The following SLC7A10 variants were observed in gnomAD, a reference collection of about 807,000 sequenced individuals.
The protein encoded by SLC7A10 is asc-type amino acid transporter 1.
Under a neutral mutation model 52.7 loss-of-function variants are expected in SLC7A10, and 30 were observed. The observed-to-expected ratio is 0.57, with a 90% CI of 0.43 to 0.77. SLC7A10 has a LOEUF of 0.77. SLC7A10 is among the 30% of genes least tolerant of loss of function. The probability of loss-of-function intolerance (pLI) is 0.00; values close to 1 mark genes in which losing one functional copy is unlikely to be tolerated. For missense variants in SLC7A10, 581 were observed against 698.5 expected (o/e 0.83, Z 1.90); for synonymous variants, 318 against 314.9 (o/e 1.01, Z -0.10).
chr19:33,216,559 C>A (rs936341314), intron 1 of SLC7A10, among the ~76,000 whole-genome samples: 4 of 152,212 alleles, frequency 2.6e-5, no homozygotes, highest in Non-Finnish European at 5.9e-5. Context: ...CCTCCTTGAC[C>A]ACATCAGGTT....
In SLC7A10 at chr19:33,223,943, T is replaced by TCACCACCACCACCGC. The variant is rs1555734652; in HGVS notation, c.151+1609_151+1610insGCGGTGGTGGTGGTG. ...ACTCCCACCACCACCACCTCTACCA[T>TCACCACCACCACCGC]CACCACCACCACCACCACCACCACC... is the stretch of plus-strand genomic sequence containing the variant. On this transcript the variant is annotated intron_variant, in intron 1 of 10. Transcript: ENST00000253188. Among the ~76,000 whole-genome samples the TCACCACCACCACCGC allele has an allele frequency of 2.0e-5, 3 of 147,224 alleles. No individual in the cohort carries two copies. The South Asian group carries it at 6.5e-4, about 32-fold the overall frequency.
chr19:33,213,288 T>G (rs902197407), intron 2 of SLC7A10, among the ~76,000 whole-genome samples: 1 of 143,240 alleles, frequency 7.0e-6, no homozygotes, highest in Non-Finnish European at 1.5e-5. Context: ...TTTCTTTTCT[T>G]TTTTCTTTTT....
chr19:33,213,364 C>G (rs1161663294), intron 2 of SLC7A10, among the ~76,000 whole-genome samples: 1 of 151,872 alleles, frequency 6.6e-6, no homozygotes, highest in Non-Finnish European at 1.5e-5. Context: ...TCTCGGCTCA[C>G]TGCAACCTCC....
chr19:33,225,589 CCTT>C lies in SLC7A10; in HGVS notation c.112_114del (p.Lys38del). 1.3e-6 allele frequency: 2 copies of C among 1,596,280 alleles called. No homozygotes were observed. The highest frequency in any genetic ancestry group is 1.7e-6 in the Non-Finnish European group (2 of 1,179,268). ...GTGCAGGCGCTCAGCAGCCCGATCT[CCTT>C]CTTGAGCGCCACCCGCTCCGAGGCG... On this transcript the variant is annotated inframe_deletion, in exon 1 of 11. Coordinates refer to ENST00000253188, the MANE Select transcript of SLC7A10 (RefSeq NM_019849.3).
chr19:33,215,618 TTCTCTCCATCCACCCCC>T, intron 2 of SLC7A10, 134 bp downstream of exon 2: 1 of 212,664 alleles, frequency 4.7e-6, no homozygotes, highest in Non-Finnish European at 7.1e-6. Context: ...CCCCCACACC[TTCTCTCCATCCACCCCC>T]CACACCTTCT....
chr19:33,222,861 A>G (rs539048932), intron 1 of SLC7A10, among the ~76,000 whole-genome samples: 3 of 152,246 alleles, frequency 2.0e-5, no homozygotes, highest in African/African-American at 7.2e-5. Flanking sequence ...CCACCCTTCC[A>G]GGTCTTCCCA....
In SLC7A10 at chr19:33,225,622, G is replaced by C. The variant is rs1974907580; in HGVS notation, c.82C>G (p.Pro28Ala). The change falls in exon 1 of 11, where the codon CCC becomes GCC. Residue 28 changes from proline (P) to alanine (A), a missense_variant. By Grantham distance (27) the Pro-to-Ala change is conservative (BLOSUM62 -1). Coordinates refer to ENST00000253188, the MANE Select transcript of SLC7A10 (RefSeq NM_019849.3). ...PSPSPVPGTV[P>A]GASERVALKK... Reference sequence around the variant, plus strand: ...AGCGCCACCCGCTCCGAGGCGCCGGGGACGGTCCCTGGGACTGGGGAGGGC... The same window carrying C: ...AGCGCCACCCGCTCCGAGGCGCCGGCGACGGTCCCTGGGACTGGGGAGGGC... 1.3e-6 allele frequency: 2 copies of C among 1,592,310 alleles called. No individual in the cohort carries two copies. The highest frequency in any genetic ancestry group is 1.7e-6 in the Non-Finnish European group (2 of 1,177,914).
At chr19:33,216,774 T>A (rs1003462988) in intron 1 of SLC7A10, among the ~76,000 whole-genome samples, 54 of 152,180 alleles carry the variant, frequency 3.5e-4, no homozygotes, top group Admixed American at 1.8e-3. Context: ...GAGATGGGGT[T>A]TCACCCTGTG....
intron 1 of SLC7A10, among the ~76,000 whole-genome samples, chr19:33,216,816 G>A (rs747969309): frequency 1.1e-4 from 16 of 152,010 alleles, no homozygotes; most frequent in Non-Finnish European, 2.2e-4. Context: ...CTGACTGCAA[G>A]TGATCCACCC....
Position 33,208,778 on chromosome 19 carries a change from G to A in SLC7A10, c.*113C>T, listed in dbSNP as rs868733609. 7.7e-6 allele frequency: 11 copies of A among 1,426,806 alleles called. No individual in the cohort carries two copies. The Middle Eastern group carries it at 1.2e-3, about 158-fold the overall frequency. The allele number at this position is 1,426,806 out of a possible 1,614,324, so 88.4% of individuals were successfully genotyped here. A position where few individuals can be genotyped will look rare whatever the true frequency, so the allele number is the denominator to read the frequency against. On this transcript the variant is annotated 3_prime_UTR_variant, in exon 11 of 11. Coordinates refer to ENST00000253188, the MANE Select transcript of SLC7A10 (RefSeq NM_019849.3). This position sits in a 1 kb window ranked among gnomAD's most constrained non-coding sequence, Gnocchi z 4.7. ...TTCCTTAAACAGGCTTCTGAGAGTCGTATCTTTTTTCTTTTTTTTCCAGAA... is the reference window on the plus strand; with the variant it reads ...TTCCTTAAACAGGCTTCTGAGAGTCATATCTTTTTTCTTTTTTTTCCAGAA...
At chr19:33,223,802 G>C (rs1049502200) in intron 1 of SLC7A10, among the ~76,000 whole-genome samples, 3 of 152,122 alleles carry the variant, frequency 2.0e-5, no homozygotes, top group Non-Finnish European at 4.4e-5. Flanking sequence ...TAGTGGACCT[G>C]GCACAGCAGG....
At chr19:33,211,361 G>A (rs1489360074) in intron 6 of SLC7A10, 33 bp from the exon 7 acceptor site, 2 of 1,613,762 alleles carry the variant, frequency 1.2e-6, no homozygotes, top group Non-Finnish European at 1.7e-6. Flanking sequence ...CCATGTGTAA[G>A]GCCGGGGCAG....
intron 1 of SLC7A10, among the ~76,000 whole-genome samples, chr19:33,222,300 G>A (rs1271344339): frequency 6.6e-6 from 1 of 152,046 alleles, no homozygotes; most frequent in Non-Finnish European, 1.5e-5. Flanking sequence ...TTGGAAGGCT[G>A]AGGTGGGAGG....
Position 33,210,695 on chromosome 19 carries a change from C to T in SLC7A10, c.1114-79G>A. On this transcript the variant is annotated intron_variant, in intron 8 of 10. Transcript: ENST00000253188. This position sits in a 1 kb window ranked among gnomAD's most constrained non-coding sequence, Gnocchi z 5.6. ...CTGCAGGATGAGCCCTGGCCCCACC[C>T]CCAACCCCCACCCTGGAATGGCTCA... is the stretch of plus-strand genomic sequence containing the variant. 1.5e-5 allele frequency: 24 copies of T among 1,608,050 alleles called. No individual in the cohort carries two copies. Among genetic ancestry groups the T allele is most frequent in the Non-Finnish European group, 2.0e-5 (24 of 1,178,060 alleles).
chr19:33,215,627 T>TCCCGCCC lies in SLC7A10; in HGVS notation c.356+141_356+142insGGGCGGG. The TCCCGCCC allele has an allele frequency of 2.1e-5, 7 of 327,372 alleles. 1 individual carries two copies. Among genetic ancestry groups the TCCCGCCC allele is most frequent in the Middle Eastern group, 1.2e-3 (1 of 826 alleles). The allele number at this position is 327,372 out of a possible 1,614,324, so 20.3% of individuals were successfully genotyped here. On this transcript the variant is annotated intron_variant, in intron 2 of 10. Transcript: ENST00000253188. ...ATCCAGCCCCCACACCTTCTCTCCA[T>TCCCGCCC]CCACCCCCCACACCTTCTCTCCATC...
chr19:33,218,150 G>A (rs1465934398), intron 1 of SLC7A10, among the ~76,000 whole-genome samples: 2 of 152,150 alleles, frequency 1.3e-5, no homozygotes, highest in Non-Finnish European at 2.9e-5. Flanking sequence ...CAGGCCCTGA[G>A]CCACCCACCC....
At position 33,215,905 on chromosome 19, in the gene SLC7A10, G is replaced by A. The variant is rs1974670676; in HGVS notation, c.220C>T (p.Leu74=). 3 of 1,611,160 alleles carry A rather than the reference G, an allele frequency of 1.9e-6. No individual in the cohort carries two copies. The highest frequency in any genetic ancestry group is 2.5e-6 in the Non-Finnish European group (3 of 1,178,942). The change falls in exon 2 of 11, where the codon CTG becomes TTG. Residue 74 remains leucine (L), a synonymous_variant. Coordinates refer to ENST00000253188, the MANE Select transcript of SLC7A10 (RefSeq NM_019849.3). ...GVLEHSGSVG[L]ALFVWVLGGG... ...CCCAGGACCCAGACGAACAGGGCCA[G>A]ACCCACGGAGCCTGAGTGCTCCAGG...
In SLC7A10 at chr19:33,225,773, C is replaced by G; in HGVS notation, c.-70G>C. ...TCCGGCCGGCCGCCCGTCGGTCCGT[C>G]GGTCCGTGAGCTCACGGCCCTCGCA... On this transcript the variant is annotated 5_prime_UTR_variant, in exon 1 of 11. Transcript: ENST00000253188. The G allele has an allele frequency of 5.6e-6, 8 of 1,434,696 alleles. No individual in the cohort carries two copies. The highest frequency in any genetic ancestry group is 1.5e-5 in the African/African-American group (1 of 66,702). The allele number at this position is 1,434,696 out of a possible 1,614,324, so 88.9% of individuals were successfully genotyped here.
chr19:33,225,524 C>T, intron 1 of SLC7A10, 29 bp downstream of exon 1: 3 of 1,593,884 alleles, frequency 1.9e-6, no homozygotes, highest in Non-Finnish European at 1.7e-6. Context: ...GGCCTCCGCC[C>T]GGCGCCCGCC....
Sources: gnomAD v4.1 joint callset for allele counts (sites outside exome capture counted in the v4.1 genomes callset) on GRCh38, gnomAD v4.1.1 for gene constraint, Gnocchi (gnomAD v3.1) non-coding constraint, MANE v1.5 for transcripts, NCBI Gene and HGNC (gene_info 2026-07-23, HGNC 2026-07-21) for gene names.